The following YIPF2 variants were observed in gnomAD, a reference collection of about 807,000 sequenced individuals.
The protein encoded by YIPF2 is protein YIPF2.
YIPF2 carries 30 observed loss-of-function variants against 38.8 expected under a neutral mutation model. The observed-to-expected ratio is 0.77, with a 90% confidence interval of 0.58 to 1.05. The LOEUF is 1.05. YIPF2 is among the 50% of genes least tolerant of loss of function. The pLI is 0.00. For missense variants in YIPF2, 401 were observed against 409.7 expected (o/e 0.98, Z 0.18); for synonymous variants, 194 against 183.8 (o/e 1.06, Z -0.45).
chr19:10,926,244 T>C (rs2083423865), intron 4 of YIPF2, among the ~76,000 whole-genome samples: 1 of 150,672 alleles, frequency 6.6e-6, no homozygotes, highest in African/African-American at 2.4e-5. Context: ...TTTTTTGTTT[T>C]GAGACGGAGT....
Position 10,923,305 on chromosome 19 carries a change from G to C in YIPF2, c.937C>G (p.Leu313Val), listed in dbSNP as rs1464122025. 6.8e-6 allele frequency: 11 copies of C among 1,611,476 alleles called. No homozygotes were observed. Among genetic ancestry groups the C allele is most frequent in the Non-Finnish European group, 8.5e-6 (10 of 1,178,966 alleles). ...CCCGGGCCTTCCTAGGAGGGGGCCA[G>C]GGACTGCGGCAAGGTAGGGGACAGC... is the stretch of plus-strand genomic sequence containing the variant. ...IALSPTLPQS[L>V]APS The change falls in exon 9 of 10, where the codon CTG becomes GTG. Residue 313 changes from leucine (L) to valine (V), a missense_variant. Leu to Val is a conservative substitution (Grantham distance 32). Transcript: ENST00000586748.
chr19:10,928,414 C>T lies in YIPF2; in HGVS notation c.-4G>A, dbSNP rs376190576. 5.3e-6 allele frequency: 7 copies of T among 1,331,768 alleles called. No individual in the cohort carries two copies. In the South Asian group the frequency reaches 6.9e-5, roughly 13 times the overall value. The allele number at this position is 1,331,768 out of a possible 1,614,324, so 82.5% of individuals were successfully genotyped here. On this transcript the variant is annotated 5_prime_UTR_variant, in exon 2 of 10. Transcript: ENST00000586748. ...TCAGCTCGTCGGCCGATGCCATGGT[C>T]GTTCAGGGGCGTCTCCGCATCCCTC... is the stretch of plus-strand genomic sequence containing the variant.
At position 10,922,976 on chromosome 19, in the gene YIPF2, T is replaced by C. The variant is rs1000292949; in HGVS notation, c.*218A>G. ...GGGGGGGATATGGGGGCCCCAGCCC[T>C]GTCCCAAAGCTCCCTGCTCGGCTGC... On this transcript the variant is annotated 3_prime_UTR_variant, in exon 10 of 10. Coordinates refer to ENST00000586748, the MANE Select transcript of YIPF2 (RefSeq NM_001321439.2). The C allele has an allele frequency of 1.6e-5, 4 of 252,716 alleles. No homozygotes were observed. Among genetic ancestry groups the C allele is most frequent in the African/African-American group, 2.3e-5 (1 of 42,844 alleles). 15.7% of individuals were successfully genotyped at this position (252,716 alleles called of 1,614,324 possible). A position where few individuals can be genotyped will look rare whatever the true frequency, so the allele number is the denominator to read the frequency against.
Position 10,927,869 on chromosome 19 carries a change from G to C in YIPF2, c.122C>G (p.Ala41Gly). The change falls in exon 3 of 10, where the codon GCT becomes GGT. Residue 41 changes from alanine to glycine, a missense_variant. By Grantham distance (60) the Ala-to-Gly change is moderately conservative. Transcript: ENST00000586748. ...GCTGCCACCTGAGCCCACGGCCACAGCCACGTGCCCTTGTGGGGTCAGCTG... is the reference window on the plus strand; with the variant it reads ...GCTGCCACCTGAGCCCACGGCCACACCCACGTGCCCTTGTGGGGTCAGCTG... ...SDQLTPQGHV[A>G]VAVGSGGSYG... 1 of 1,612,024 alleles carries C rather than the reference G, an allele frequency of 6.2e-7. No homozygotes were observed. Among genetic ancestry groups the C allele is most frequent in the Non-Finnish European group, 8.5e-7 (1 of 1,178,540 alleles).
At chr19:10,927,171 G>A (rs141478084) in intron 4 of YIPF2, among the ~76,000 whole-genome samples, 67 of 151,944 alleles carry the variant, frequency 4.4e-4, no homozygotes, top group African/African-American at 1.5e-3. Flanking sequence ...CCCCGCACCC[G>A]GCAGTTTTTG....
intron 2 of YIPF2, 130 bp downstream of exon 2, chr19:10,928,250 T>C: frequency 8.7e-7 from 1 of 1,154,382 alleles, no homozygotes. Flanking sequence ...GAGTCAGAGA[T>C]GGGTCTCACT....
chr19:10,922,272 C>G lies in YIPF2; in HGVS notation c.*922G>C, dbSNP rs564674040. ...CTCTGTGAAGCCAGGCCGGCCGGGCCGAGCCAGCAGCCCCTCTCCCTAGAC... is the reference window on the plus strand; with the variant it reads ...CTCTGTGAAGCCAGGCCGGCCGGGCGGAGCCAGCAGCCCCTCTCCCTAGAC... On this transcript the variant is annotated 3_prime_UTR_variant, in exon 10 of 10. Transcript: ENST00000586748. 6.6e-6 allele frequency: 1 copy of G among 152,630 alleles called. No homozygotes were observed. Among genetic ancestry groups the G allele is most frequent in the Non-Finnish European group, 1.5e-5 (1 of 68,048 alleles). 9.5% of individuals were successfully genotyped at this position (152,630 alleles called of 1,614,324 possible).
intron 7 of YIPF2, 25 bp downstream of exon 7, chr19:10,923,808 C>G (rs1264515905): frequency 6.2e-7 from 1 of 1,606,004 alleles, no homozygotes; most frequent in Non-Finnish European, 8.5e-7. Flanking sequence ...CAGCCACCAC[C>G]CACTCCGCGC....
intron 4 of YIPF2, 133 bp downstream of exon 4, chr19:10,927,497 C>T (rs191292019): frequency 6.9e-6 from 8 of 1,159,758 alleles, no homozygotes; most frequent in Middle Eastern, 2.8e-4. Context: ...CATAACCAGT[C>T]CCACCATAAC....
chr19:10,925,851 ACCT>A (rs1568364478), intron 4 of YIPF2, 78 bp from the exon 5 acceptor site: 1 of 1,347,076 alleles, frequency 7.4e-7, no homozygotes, highest in Non-Finnish European at 1.0e-6. Flanking sequence ...TTCCCTGCTG[ACCT>A]CCACCCTTCT....
rs757352556 is a variant in YIPF2, at chr19:10,927,685, GGCTGCT to G, written c.218_223del (p.Gln73_Gln74del). The stretch of plus-strand genomic sequence containing the variant: ...ATAGTAGCTGAAGGTCCAGAATCCC[GGCTGCT>G]GCTGCTGCTGCTGCTCCTGCAGGAG... On this transcript the variant is annotated inframe_deletion, in exon 4 of 10. Transcript: ENST00000586748. 1.9e-6 allele frequency: 3 copies of G among 1,613,488 alleles called. No individual in the cohort carries two copies. The highest frequency in any genetic ancestry group is 2.2e-5 in the East Asian group (1 of 44,882).
At position 10,926,478 on chromosome 19, in the gene YIPF2, G is replaced by A. The variant is rs572704804; in HGVS notation, c.280-705C>T. Among the ~76,000 whole-genome samples the A allele has an allele frequency of 2.9e-3, 438 of 150,792 alleles. 2 individuals carry two copies. The highest frequency in any genetic ancestry group is 9.8e-3 in the African/African-American group (401 of 40,982). ...CCTGACCTCATGATCCTCCCACCTT[G>A]GCCTCCCAAAGTGCTGGGATTACAG... On this transcript the variant is annotated intron_variant, in intron 4 of 9. Coordinates refer to ENST00000586748, the MANE Select transcript of YIPF2 (RefSeq NM_001321439.2).
Position 10,924,289 on chromosome 19 carries a change from C to T in YIPF2, c.368-97G>A. On this transcript the variant is annotated intron_variant, in intron 5 of 9. Coordinates refer to ENST00000586748, the MANE Select transcript of YIPF2 (RefSeq NM_001321439.2). ...AGCTGTGCTGAGACCCCAGCCTCTT[C>T]CTAAGCACCTTGCCTGACTCACCAG... is the stretch of plus-strand genomic sequence containing the variant. 4 of 1,150,566 alleles carry T rather than the reference C, an allele frequency of 3.5e-6. No homozygotes were observed. The East Asian group carries it at 7.5e-5, about 22-fold the overall frequency. 71.3% of individuals were successfully genotyped at this position (1,150,566 alleles called of 1,614,324 possible). A position where few individuals can be genotyped will look rare whatever the true frequency, so the allele number is the denominator to read the frequency against.
chr19:10,925,508 G>A (rs778078845), intron 5 of YIPF2, among the ~76,000 whole-genome samples, 178 bp downstream of exon 5: 7 of 152,018 alleles, frequency 4.6e-5, no homozygotes, highest in Non-Finnish European at 8.8e-5. Context: ...CCTCCTGTCT[G>A]CTCTGCTGCT....
chr19:10,923,329 G>A lies in YIPF2; in HGVS notation c.913C>T (p.Leu305=), dbSNP rs2074296028. ...QITSLPSNIA[L]SPTLPQSLAP... The stretch of plus-strand genomic sequence containing the variant: ...AGGGACTGCGGCAAGGTAGGGGACA[G>A]CGCGATGTTTGAGGGCAGAGATGTG... Residue 305 remains leucine, a synonymous_variant, in exon 9 of 10, where the codon CTG becomes TTG. Coordinates refer to ENST00000586748, the MANE Select transcript of YIPF2 (RefSeq NM_001321439.2). 6.2e-6 allele frequency: 10 copies of A among 1,613,076 alleles called. No homozygotes were observed. The highest frequency in any genetic ancestry group is 1.3e-5 in the African/African-American group (1 of 74,886).
At chr19:10,927,517 G>A (rs1291523410) in intron 4 of YIPF2, 113 bp downstream of exon 4, 19 of 1,325,308 alleles carry the variant, frequency 1.4e-5, no homozygotes, top group Non-Finnish European at 2.0e-5. Context: ...CCCTTTGAGA[G>A]CACCACAGTT....
rs1445654361 is a variant in YIPF2, at chr19:10,923,901, C to G, written c.583G>C (p.Gly195Arg). Reference sequence around the variant, plus strand: ...ACAGTCTCCAGGAAGGTGTAGGGCCCCATGCGCTCCTGGACACCCTTGCGC... The same window carrying G: ...ACAGTCTCCAGGAAGGTGTAGGGCCGCATGCGCTCCTGGACACCCTTGCGC... ...RWRKGVQERMGPYTFLETVCI... is the reference protein window; with the variant it reads ...RWRKGVQERMRPYTFLETVCI... The change falls in exon 7 of 10, where the codon GGG becomes CGG. Residue 195 changes from glycine (G) to arginine (R), a missense_variant. Gly to Arg is a moderately radical substitution (Grantham distance 125). Transcript: ENST00000586748. 21 of 1,613,058 alleles carry G rather than the reference C, an allele frequency of 1.3e-5. No individual in the cohort carries two copies. Among genetic ancestry groups the G allele is most frequent in the Non-Finnish European group, 1.4e-5 (17 of 1,179,648 alleles).
rs2083411790 is a variant in YIPF2, at chr19:10,925,687, A to G, written c.366T>C (p.Tyr122=). 6.2e-7 allele frequency: 1 copy of G among 1,614,048 alleles called. No individual in the cohort carries two copies. The highest frequency in any genetic ancestry group is 2.2e-5 in the East Asian group (1 of 44,882). The change falls in exon 5 of 10, where the codon TAT becomes TAC. Residue 122 remains tyrosine (Y), a splice_region_variant and synonymous_variant. Coordinates refer to ENST00000586748, the MANE Select transcript of YIPF2 (RefSeq NM_001321439.2). ...AACCAAATGCACAACCTCACTCACC[A>G]TACAGATCCGGCCGATTCCGCAGAT... ...RHHLRNRPDL[Y]GPFWICATLA...
chr19:10,927,582 C>G (rs201625119), intron 4 of YIPF2, 48 bp downstream of exon 4: 1 of 1,601,932 alleles, frequency 6.2e-7, no homozygotes, highest in Non-Finnish European at 8.5e-7. Flanking sequence ...AGTGGCTGAA[C>G]CCTGAGCATA....
Sources: gnomAD v4.1 joint callset for allele counts (sites outside exome capture counted in the v4.1 genomes callset) on GRCh38, gnomAD v4.1.1 for gene constraint, MANE v1.5 for transcripts, NCBI Gene and HGNC (gene_info 2026-07-23, HGNC 2026-07-21) for gene names.